ZNF44: variants seen among roughly 807,000 people sequenced by gnomAD.
The protein encoded by ZNF44 is zinc finger protein 44.
A neutral mutation model predicts 11.7 loss-of-function variants in ZNF44; 9 were observed. The ratio of observed to expected loss-of-function variants is 0.77; its 90% CI spans 0.46 to 1.35. The LOEUF (loss-of-function observed/expected upper bound fraction) is 1.35, where lower values mean the gene tolerates loss of function less well. Ranked by LOEUF, ZNF44 falls within the 40% of genes most tolerant of loss-of-function variation. The pLI is 0.00. For missense variants in ZNF44, 696 were observed against 743.1 expected (o/e 0.94, Z 0.74); for synonymous variants, 224 against 242.7 (o/e 0.92, Z 0.72).
chr19:12,238,219 G>T (rs145529415), upstream of ZNF44: 1 of 149,998 alleles, frequency 6.7e-6, no homozygotes, highest in Non-Finnish European at 1.5e-5. Context: ...GGCCGGGCGC[G>T]ATGGCTCACC....
At chr19:12,264,289 T>C (rs904736602) in intron 5 of ZNF44, among the ~76,000 whole-genome samples, 4 of 152,104 alleles carry the variant, frequency 2.6e-5, no homozygotes, top group African/African-American at 9.7e-5. Flanking sequence ...CTCTCCTTGA[T>C]AAGCGTGAGT....
chr19:12,274,982 C>G lies in ZNF44; in HGVS notation c.182G>C (p.Arg61Thr), dbSNP rs1436748666. Residue 61 changes from arginine (R) to threonine (T), a missense_variant, in exon 3 of 4, where the codon AGA becomes ACA. Physicochemically the swap from Arg to Thr is moderately conservative, Grantham distance 71. Coordinates refer to ENST00000355684, the MANE Select transcript of ZNF44 (RefSeq NM_016264.4). ...TATAAGTACAAATTACCTTGGATTT[C>G]TCCTGAGATTTTGGTGCTGATCATC... ...NIDDQHQNLR[R>T]NPRCDVVERF... The G allele has an allele frequency of 5.7e-6, 9 of 1,588,896 alleles. No homozygotes were observed. The Admixed American group carries it at 1.6e-4, about 28-fold the overall frequency.
chr19:12,266,385 GCCGAGAGCGAC>G, intron 5 of ZNF44: 10 of 972,670 alleles, frequency 1.0e-5, no homozygotes, highest in Non-Finnish European at 1.2e-5. Flanking sequence ...TTTCAGAGAA[GCCGAGAGCGAC>G]CCGAGGGCGC....
chr19:12,260,531 C>A, intron 5 of ZNF44: 1 of 970,464 alleles, frequency 1.0e-6, no homozygotes, highest in Non-Finnish European at 1.6e-6. Flanking sequence ...CCACCAAGAG[C>A]TCCTGAGCCC....
chr19:12,269,563 A>G (rs1966892739), downstream of ZNF44, among the ~76,000 whole-genome samples: 1 of 152,102 alleles, frequency 6.6e-6, no homozygotes, highest in South Asian at 2.1e-4. Context: ...GAGTCTCACT[A>G]TGTTCCCCAG....
upstream of ZNF44, among the ~76,000 whole-genome samples, chr19:12,241,859 C>G (rs941630017): frequency 6.6e-6 from 1 of 152,166 alleles, no homozygotes. Flanking sequence ...GAATATTATT[C>G]AGGCACAAAA....
At chr19:12,247,271 T>G (rs1397699585), downstream of ZNF44, 1 of 1,204,708 alleles carries the variant, frequency 8.3e-7, no homozygotes, top group Non-Finnish European at 1.1e-6. Context: ...TTTACATTTA[T>G]AGTTTCTATT....
upstream of ZNF44, among the ~76,000 whole-genome samples, chr19:12,238,936 G>T (rs1454019930): frequency 6.6e-6 from 1 of 152,188 alleles, no homozygotes; most frequent in Non-Finnish European, 1.5e-5. Flanking sequence ...CCCCAGAGGG[G>T]ATCAGTCTGT....
rs763218878 is a variant in ZNF44 at position 12,272,946 on chromosome 19, G to A, written c.1309C>T (p.Arg437Ter). The A allele has an allele frequency of 1.4e-5, 22 of 1,613,636 alleles. No individual in the cohort carries two copies. Among genetic ancestry groups the A allele is most frequent in the East Asian group, 8.9e-5 (4 of 44,814 alleles). ...GKAFRTSSSL[R>*]KHETTHTGEQ... ...CCAGTGTGTGTTGTTTCATGTTTTC[G>A]AAGGGAACTGGAAGTACGGAAGGCT... The change falls in exon 4 of 4, where the codon CGA becomes TGA. Residue 437 changes from arginine (R) to a stop codon, truncating the protein, a stop_gained. Coordinates refer to ENST00000355684, the MANE Select transcript of ZNF44 (RefSeq NM_016264.4). LOFTEE classifies it low-confidence loss of function (END_TRUNC).
chr19:12,249,569 C>T (rs914386999), intron 7 of ZNF44, among the ~76,000 whole-genome samples: 4 of 151,702 alleles, frequency 2.6e-5, no homozygotes, highest in African/African-American at 7.3e-5. Context: ...TTATTTTTCC[C>T]GAGATGGAGC....
chr19:12,247,563 A>C (rs745953714), downstream of ZNF44: 146 of 1,344,226 alleles, frequency 1.1e-4, no homozygotes, highest in Non-Finnish European at 1.4e-4. Flanking sequence ...ATGTATCTGG[A>C]AACCTGCAAG....
At chr19:12,247,721 A>G (rs754947020) in exon 8 of ZNF44, 34 of 1,346,584 alleles carry the variant, frequency 2.5e-5, no homozygotes, top group African/African-American at 1.3e-4. Flanking sequence ...GAGTCCTTTC[A>G]TGTCTTTGAG....
rs185397113 is a variant in ZNF44, at chr19:12,227,166, T to C, written n.437-639A>G. On this transcript the variant is annotated intron_variant and non_coding_transcript_variant, in intron 3 of 3. Transcript: ENST00000597563. ...TAACATTTTAGCTTTTTAAGAGTTC[T>C]GAACGTTTTTCCTCTATTGTGATAT... 6.3e-3 allele frequency among the ~76,000 whole-genome samples: 965 copies of C among 152,380 alleles called. 16 individuals carry two copies. Among genetic ancestry groups the C allele is most frequent in the African/African-American group, 0.022 (921 of 41,596 alleles).
At chr19:12,255,194 C>A (rs1917195002) in intron 5 of ZNF44, among the ~76,000 whole-genome samples, 1 of 151,820 alleles carries the variant, frequency 6.6e-6, no homozygotes, top group Admixed American at 6.6e-5. Flanking sequence ...TGAACATATA[C>A]ACTAGAAAGG....
At position 12,227,833 on chromosome 19, in the gene ZNF44, A is replaced by G. The variant is rs949799323; in HGVS notation, n.437-1306T>C. 5.3e-5 allele frequency among the ~76,000 whole-genome samples: 8 copies of G among 152,220 alleles called. No homozygotes were observed. The East Asian group carries it at 5.8e-4, about 11-fold the overall frequency. ...GCCAAACACCATTTTGTATTTGACA[A>G]TGCTTCCTGTATGATTTTATACCAA... On this transcript the variant is annotated intron_variant and non_coding_transcript_variant, in intron 3 of 3. Transcript: ENST00000597563.
At chr19:12,231,447 C>A (rs1041722241) in intron 2 of ZNF44, among the ~76,000 whole-genome samples, 2 of 152,208 alleles carry the variant, frequency 1.3e-5, no homozygotes, top group Non-Finnish European at 1.5e-5. Flanking sequence ...AGAGCCCTGT[C>A]AGATTTTGCC....
chr19:12,241,646 G>T (rs1465702221), upstream of ZNF44, among the ~76,000 whole-genome samples: 3 of 152,218 alleles, frequency 2.0e-5, no homozygotes, highest in African/African-American at 4.8e-5. Context: ...AGTGAGCCAA[G>T]ATCGCACCAC....
chr19:12,290,260 C>T (rs1170604220), intron 1 of ZNF44, among the ~76,000 whole-genome samples: 2 of 151,668 alleles, frequency 1.3e-5, no homozygotes, highest in South Asian at 2.1e-4. Context: ...TGGCACATGC[C>T]TATAATCCCA....
chr19:12,250,649 C>A, intron 5 of ZNF44: 1 of 395,900 alleles, frequency 2.5e-6, no homozygotes, highest in Non-Finnish European at 5.0e-6. Context: ...CAAAAAAATT[C>A]CATTTTAAGA....
Sources: gnomAD v4.1 joint callset for allele counts (sites outside exome capture counted in the v4.1 genomes callset) on GRCh38, gnomAD v4.1.1 for gene constraint, MANE v1.5 for transcripts, NCBI Gene and HGNC (gene_info 2026-07-23, HGNC 2026-07-21) for gene names.